The following GFRAL variants were observed in gnomAD, a reference collection of about 807,000 sequenced individuals.
The protein encoded by GFRAL is GDNF family receptor alpha like, also known as GDNF family receptor alpha-like.
A neutral mutation model predicts 45.4 loss-of-function variants in GFRAL; 36 were observed. That is an observed-to-expected ratio of 0.79 (90% CI 0.61 to 1.05). The LOEUF (loss-of-function observed/expected upper bound fraction) is 1.05, where lower values mean the gene tolerates loss of function less well. Ranked by LOEUF, GFRAL falls within the 50% of genes least tolerant of loss-of-function variation. The pLI, the probability that GFRAL is intolerant of heterozygous loss-of-function variation, is 0.00. For synonymous variants in GFRAL, 166 were observed against 154.1 expected (o/e 1.08, Z -0.57); for missense variants, 507 against 467.5 (o/e 1.08, Z -0.78).
intron 6 of GFRAL, among the ~76,000 whole-genome samples, chr6:55,367,486 G>T (rs1203545457): frequency 6.8e-6 from 1 of 146,450 alleles, no homozygotes; most frequent in East Asian, 2.0e-4. Context: ...CTGTCATTAT[G>T]ATGTTAGCTG....
chr6:55,338,948 C>A (rs1371659944), intron 3 of GFRAL, among the ~76,000 whole-genome samples: 1 of 152,016 alleles, frequency 6.6e-6, no homozygotes, highest in Non-Finnish European at 1.5e-5. Flanking sequence ...CAAAAGTTAT[C>A]ACAGGCAATA....
At chr6:55,379,802 A>G (rs1467086875) in intron 6 of GFRAL, among the ~76,000 whole-genome samples, 1 of 151,812 alleles carries the variant, frequency 6.6e-6, no homozygotes, top group African/African-American at 2.4e-5. Flanking sequence ...CCTTTGACCA[A>G]TATCTCCCCA....
intron 6 of GFRAL, among the ~76,000 whole-genome samples, chr6:55,369,696 A>G (rs988945011): frequency 0.08 from 4 of 50 alleles, no homozygotes; most frequent in Admixed American, 0.5. Flanking sequence ...GTAGACACTG[A>G]AAAAAAAACA....
intron 6 of GFRAL, among the ~76,000 whole-genome samples, chr6:55,378,653 C>T (rs991098090): frequency 3.3e-5 from 5 of 151,872 alleles, no homozygotes; most frequent in African/African-American, 1.2e-4. Flanking sequence ...TTCCACAAGT[C>T]TTTTTCCCTC....
In GFRAL at chr6:55,401,971, T is replaced by A; in HGVS notation, c.*118T>A. On this transcript the variant is annotated 3_prime_UTR_variant, in exon 9 of 9. Coordinates refer to ENST00000340465, the MANE Select transcript of GFRAL (RefSeq NM_207410.2). ...TCTCCTCCCCTCCCCTCTCTGTTTC[T>A]TTTTCTTTTTCTTTTCTTTTTTGTG... The A allele has an allele frequency of 1.7e-6, 1 of 603,684 alleles. No homozygotes were observed. Among genetic ancestry groups the A allele is most frequent in the Non-Finnish European group, 2.8e-6 (1 of 351,066 alleles). 37.4% of individuals were successfully genotyped at this position (603,684 alleles called of 1,614,324 possible).
intron 6 of GFRAL, among the ~76,000 whole-genome samples, chr6:55,385,324 A>T (rs907088181): frequency 1.3e-5 from 2 of 152,084 alleles, no homozygotes; most frequent in African/African-American, 2.4e-5. Context: ...TGGAGATTTA[A>T]TAAACATCTA....
At position 55,331,056 on chromosome 6, in the gene GFRAL, T is replaced by C. The variant is rs546876180; in HGVS notation, c.23-659T>C. Among the ~76,000 whole-genome samples, 32 of 152,216 alleles carry C rather than the reference T, an allele frequency of 2.1e-4. No individual in the cohort carries two copies. The South Asian group carries it at 2.3e-3, about 11-fold the overall frequency. On this transcript the variant is annotated intron_variant, in intron 1 of 8. Coordinates refer to ENST00000340465, the MANE Select transcript of GFRAL (RefSeq NM_207410.2). ...TGTTTCTGAAACATTCAAGTAGAGA[T>C]AACAATTACGTACCTATGACAGGAA...
At position 55,327,539 on chromosome 6, in the gene GFRAL, C is replaced by T; in HGVS notation, c.-16C>T. The T allele has an allele frequency of 6.2e-7, 1 of 1,612,472 alleles. No individual in the cohort carries two copies. The highest frequency in any genetic ancestry group is 8.5e-7 in the Non-Finnish European group (1 of 1,178,942). ...TCTGCCTTTTTTTCCAGGTGAACTG[C>T]CGTGAGTTGTCCAGCATGATAGTGT... On this transcript the variant is annotated 5_prime_UTR_variant, in exon 1 of 9. Transcript: ENST00000340465.
intron 6 of GFRAL, among the ~76,000 whole-genome samples, chr6:55,367,751 A>G (rs1207899009): frequency 6.6e-6 from 1 of 151,416 alleles, no homozygotes; most frequent in African/African-American, 2.4e-5. Flanking sequence ...CTTTTCTTTA[A>G]GAATGTTGAA....
chr6:55,359,281 C>T (rs1768241853), intron 6 of GFRAL, 143 bp downstream of exon 6: 7 of 645,004 alleles, frequency 1.1e-5, no homozygotes, highest in Non-Finnish European at 1.8e-5. Context: ...TGAAAATTTG[C>T]TTTCTGATTA....
At chr6:55,334,643 T>C (rs1389239909) in intron 3 of GFRAL, among the ~76,000 whole-genome samples, 2 of 152,190 alleles carry the variant, frequency 1.3e-5, no homozygotes, top group Non-Finnish European at 2.9e-5. Flanking sequence ...CTTCTCTCAC[T>C]TTACAAGAGG....
At chr6:55,392,076 A>C (rs1208909157) in intron 6 of GFRAL, among the ~76,000 whole-genome samples, 1 of 152,196 alleles carries the variant, frequency 6.6e-6, no homozygotes, top group African/African-American at 2.4e-5. Context: ...TTGTGTGCAG[A>C]AGACATTCAT....
At chr6:55,374,078 C>G (rs1396249699) in intron 6 of GFRAL, among the ~76,000 whole-genome samples, 1 of 152,154 alleles carries the variant, frequency 6.6e-6, no homozygotes, top group Non-Finnish European at 1.5e-5. Flanking sequence ...AGGATATGAT[C>G]TCATTCCTTT....
chr6:55,382,789 A>G (rs990979281), intron 6 of GFRAL, among the ~76,000 whole-genome samples: 1 of 151,962 alleles, frequency 6.6e-6, no homozygotes, highest in Non-Finnish European at 1.5e-5. Context: ...CTTTCCTTCA[A>G]TTTCCAGTCT....
chr6:55,343,503 G>A (rs1265405806), intron 3 of GFRAL, among the ~76,000 whole-genome samples: 4 of 152,158 alleles, frequency 2.6e-5, no homozygotes, highest in Non-Finnish European at 5.9e-5. Context: ...CAACATACCA[G>A]AATCTCTAGG....
rs553260761 is a variant in GFRAL at position 55,387,016 on chromosome 6, T to G, written c.953-12164T>G. 1.3e-4 allele frequency among the ~76,000 whole-genome samples: 20 copies of G among 152,304 alleles called. No homozygotes were observed. The South Asian group carries it at 4.1e-3, about 32-fold the overall frequency. On this transcript the variant is annotated intron_variant, in intron 6 of 8. Coordinates refer to ENST00000340465, the MANE Select transcript of GFRAL (RefSeq NM_207410.2). ...TAACTCTACTCTAAAGGCATAGGTG[T>G]TGTTAAGGAAGGGGAAAAATCCTTC...
chr6:55,371,306 G>T (rs1768447145), intron 6 of GFRAL, among the ~76,000 whole-genome samples: 1 of 152,148 alleles, frequency 6.6e-6, no homozygotes, highest in South Asian at 2.1e-4. Flanking sequence ...AAATTCATGT[G>T]TAGCAAAGTT....
At chr6:55,386,147 T>C (rs1444379028) in intron 6 of GFRAL, among the ~76,000 whole-genome samples, 2 of 152,154 alleles carry the variant, frequency 1.3e-5, no homozygotes, top group Non-Finnish European at 2.9e-5. Flanking sequence ...GAGAGCTAAA[T>C]TGAGATTTGG....
chr6:55,362,909 C>T (rs1211176345), intron 6 of GFRAL, among the ~76,000 whole-genome samples: 1 of 143,632 alleles, frequency 7.0e-6, no homozygotes, highest in Admixed American at 7.1e-5. Flanking sequence ...GAAGAGAAAA[C>T]AGGAAGGAAG....
Sources: allele counts gnomAD v4.1 joint callset (sites outside exome capture counted in the v4.1 genomes callset), GRCh38; gene constraint gnomAD v4.1.1; transcripts MANE v1.5; gene names NCBI Gene and HGNC (gene_info 2026-07-23, HGNC 2026-07-21).